The following MATN2 variants were observed in gnomAD, a reference collection of about 807,000 sequenced individuals.
MATN2 encodes matrilin 2, also known as matrilin-2.
A neutral mutation model predicts 103.2 loss-of-function variants in MATN2; 69 were observed. The ratio of observed to expected loss-of-function variants is 0.67; its 90% CI spans 0.55 to 0.82. MATN2 has a LOEUF of 0.82. MATN2 is among the 40% of genes least tolerant of loss of function. MATN2 has a pLI of 0.00. For synonymous variants in MATN2, 429 were observed against 450.2 expected (o/e 0.95, Z 0.60); for missense variants, 1,023 against 1,211.5 (o/e 0.84, Z 2.31).
chr8:97,927,471 T>C (rs1227895568), intron 2 of MATN2, among the ~76,000 whole-genome samples: 1 of 152,108 alleles, frequency 6.6e-6, no homozygotes, highest in East Asian at 1.9e-4. Context: ...CTGGTCTTAG[T>C]TTTTAACAAG....
chr8:98,035,803 CAAT>C lies in MATN2; in HGVS notation c.*95_*97del, dbSNP rs1368462559. On this transcript the variant is annotated 3_prime_UTR_variant, in exon 19 of 19. Transcript: ENST00000254898. The stretch of plus-strand genomic sequence containing the variant: ...CCCAAAGCTCAGGCTATTGTTAAAT[CAAT>C]AATGTTGTGAAGTAAAACAATCAGT... The C allele has an allele frequency of 4.0e-6, 3 of 752,594 alleles. No individual in the cohort carries two copies. Among genetic ancestry groups the C allele is most frequent in the Non-Finnish European group, 6.2e-6 (3 of 481,594 alleles). The allele number at this position is 752,594 out of a possible 1,614,324, so 46.6% of individuals were successfully genotyped here. A position where few individuals can be genotyped will look rare whatever the true frequency, so the allele number is the denominator to read the frequency against.
intron 1 of MATN2, among the ~76,000 whole-genome samples, chr8:97,877,928 T>A (rs1818128055): frequency 6.6e-6 from 1 of 152,156 alleles, no homozygotes; most frequent in Admixed American, 6.5e-5. Flanking sequence ...GCTTTTAGCA[T>A]GCATAGCTTC....
At chr8:97,952,388 T>A (rs1007313832) in intron 4 of MATN2, 1 of 152,322 alleles carries the variant, frequency 6.6e-6, no homozygotes, top group Non-Finnish European at 1.5e-5. Flanking sequence ...GCAGTGCAGC[T>A]TGTCTAAAAT....
At chr8:97,895,572 C>G (rs1818781429) in intron 2 of MATN2, among the ~76,000 whole-genome samples, 1 of 152,212 alleles carries the variant, frequency 6.6e-6, no homozygotes, top group African/African-American at 2.4e-5. Flanking sequence ...GCCTTACATT[C>G]CAAGGGGTAA....
intron 16 of MATN2, among the ~76,000 whole-genome samples, chr8:98,032,781 C>T (rs71514975): frequency 0.11 from 16,942 of 152,168 alleles, 1,215 homozygotes; most frequent in Middle Eastern, 0.17. Context: ...ATCCACCCAC[C>T]TTGGCCTCCC....
chr8:98,017,475 A>G (rs1813403355), intron 11 of MATN2, among the ~76,000 whole-genome samples: 1 of 152,130 alleles, frequency 6.6e-6, no homozygotes, highest in Non-Finnish European at 1.5e-5. Flanking sequence ...CTTTTTCTCA[A>G]CGTCTCAAAG....
At chr8:97,876,315 G>A (rs192349130) in intron 1 of MATN2, among the ~76,000 whole-genome samples, 301 of 150,448 alleles carry the variant, frequency 2.0e-3, no homozygotes, top group African/African-American at 6.9e-3. Context: ...TCAGCCTCCC[G>A]AGTAGCTGGG....
chr8:97,893,102 G>T (rs1818684809), intron 2 of MATN2, among the ~76,000 whole-genome samples: 2 of 152,142 alleles, frequency 1.3e-5, no homozygotes, highest in Admixed American at 6.5e-5. Flanking sequence ...GTCAACAGTG[G>T]GTGTCGCTTT....
At chr8:97,892,725 A>G (rs1278295230) in intron 2 of MATN2, among the ~76,000 whole-genome samples, 1 of 152,234 alleles carries the variant, frequency 6.6e-6, no homozygotes, top group African/African-American at 2.4e-5. Context: ...TTTGTTCTCT[A>G]TATACCCACA....
intron 2 of MATN2, among the ~76,000 whole-genome samples, chr8:97,899,565 C>G (rs925612536): frequency 6.6e-6 from 1 of 152,188 alleles, no homozygotes; most frequent in Non-Finnish European, 1.5e-5. Flanking sequence ...TGTGTCTCCA[C>G]GTGGTCTTTT....
At chr8:97,960,922 C>A (rs1422370247) in intron 4 of MATN2, among the ~76,000 whole-genome samples, 1 of 152,192 alleles carries the variant, frequency 6.6e-6, no homozygotes, top group African/African-American at 2.4e-5. Flanking sequence ...TCAAGCGATT[C>A]TCCTGCCTCG....
intron 2 of MATN2, among the ~76,000 whole-genome samples, chr8:97,923,579 G>A (rs565217330): frequency 2.4e-4 from 36 of 149,570 alleles, no homozygotes; most frequent in South Asian, 8.5e-4. Flanking sequence ...TTTTTGAGAC[G>A]GAGCCTTGCT....
rs397778924 is a variant in MATN2, at chr8:98,021,679, T to TAA, written c.1942+365_1942+366dup. On this transcript the variant is annotated intron_variant, in intron 13 of 18. Transcript: ENST00000254898. ...AAGAGATGGATCAACAGTTTAAACA[T>TAA]AAAAAAAAAAAAAACACAAAAGAGC... Among the ~76,000 whole-genome samples the TAA allele has an allele frequency of 2.3e-3, 303 of 132,348 alleles. 5 individuals carry two copies. Among genetic ancestry groups the TAA allele is most frequent in the South Asian group, 0.021 (87 of 4,092 alleles). 86.8% of individuals were successfully genotyped at this position (132,348 alleles called of 152,430 possible).
chr8:97,935,084 A>G (rs1346155942), intron 3 of MATN2, among the ~76,000 whole-genome samples: 1 of 152,046 alleles, frequency 6.6e-6, no homozygotes, highest in African/African-American at 2.4e-5. Flanking sequence ...AGGTACTATC[A>G]TTATCTTTTT....
intron 1 of MATN2, among the ~76,000 whole-genome samples, chr8:97,871,175 G>C (rs1018444412): frequency 6.6e-6 from 1 of 152,194 alleles, no homozygotes; most frequent in Admixed American, 6.5e-5. Flanking sequence ...TAAAAGTGTG[G>C]CCTGAGATTT....
At chr8:97,897,567 C>T (rs1053493776) in intron 2 of MATN2, among the ~76,000 whole-genome samples, 3 of 152,146 alleles carry the variant, frequency 2.0e-5, no homozygotes, top group Non-Finnish European at 2.9e-5. Flanking sequence ...AAATGAAGGT[C>T]GATGCATTGA....
chr8:97,983,133 G>A (rs1343276262), intron 6 of MATN2, among the ~76,000 whole-genome samples: 1 of 152,138 alleles, frequency 6.6e-6, no homozygotes, highest in Non-Finnish European at 1.5e-5. Flanking sequence ...GGATTATATG[G>A]TATTTGTCCT....
intron 1 of MATN2, among the ~76,000 whole-genome samples, chr8:97,880,117 A>G (rs992379430): frequency 2.2e-5 from 3 of 133,888 alleles, no homozygotes; most frequent in Non-Finnish European, 4.6e-5. Context: ...CAAGTCTTGC[A>G]TTGTCACCCA....
Position 98,025,958 on chromosome 8 carries a change from G to A in MATN2, c.1943-1458G>A, listed in dbSNP as rs146990951. Among the ~76,000 whole-genome samples, 554 of 151,582 alleles carry A rather than the reference G, an allele frequency of 3.7e-3. 3 individuals are homozygous for A. The highest frequency in any genetic ancestry group is 0.013 in the African/African-American group (518 of 41,348). Reference sequence around the variant, plus strand: ...TTTGGAAGGCCAAGGCAGGTGAATCGCCTGAGGTCAGGAGTTCAAGACCAG... The same window carrying A: ...TTTGGAAGGCCAAGGCAGGTGAATCACCTGAGGTCAGGAGTTCAAGACCAG... On this transcript the variant is annotated intron_variant, in intron 13 of 18. Coordinates refer to ENST00000254898, the MANE Select transcript of MATN2 (RefSeq NM_002380.5).
Sources: allele counts gnomAD v4.1 joint callset (sites outside exome capture counted in the v4.1 genomes callset), GRCh38; gene constraint gnomAD v4.1.1; transcripts MANE v1.5; gene names NCBI Gene and HGNC (gene_info 2026-07-23, HGNC 2026-07-21).